The following SDK1 variants were observed in gnomAD, a reference collection of about 807,000 sequenced individuals.
SDK1 encodes protein sidekick-1.
A neutral mutation model predicts 245.5 loss-of-function variants in SDK1; 157 were observed. That is an observed-to-expected ratio of 0.64 (90% CI 0.56 to 0.73). The LOEUF is 0.73. Ranked by LOEUF, SDK1 falls within the 30% of genes least tolerant of loss-of-function variation. SDK1 has a pLI of 0.00. For missense variants in SDK1, 3,583 were observed against 3,002.3 expected (o/e 1.19, Z -4.52); for synonymous variants, 1,647 against 1,278.5 (o/e 1.29, Z -6.15).
At chr7:3,538,589 C>G (rs976339268) in intron 1 of SDK1, among the ~76,000 whole-genome samples, 1 of 152,172 alleles carries the variant, frequency 6.6e-6, no homozygotes. Context: ...CCAATGCTGT[C>G]CATATCTTGG....
At chr7:4,171,978 T>C (rs906626181) in intron 32 of SDK1, among the ~76,000 whole-genome samples, 1 of 152,160 alleles carries the variant, frequency 6.6e-6, no homozygotes, top group Non-Finnish European at 1.5e-5. Context: ...CTGGGTTTGC[T>C]CACTGGGGTC....
intron 41 of SDK1, among the ~76,000 whole-genome samples, chr7:4,234,456 G>A (rs762838337): frequency 2.0e-5 from 3 of 152,258 alleles, no homozygotes; most frequent in South Asian, 2.1e-4. Context: ...CTGTGACCTC[G>A]CCTGGGAATC....
intron 4 of SDK1, among the ~76,000 whole-genome samples, chr7:3,688,704 G>A (rs896894824): frequency 6.6e-6 from 1 of 152,196 alleles, no homozygotes; most frequent in African/African-American, 2.4e-5. Context: ...ATCTTCCAGT[G>A]TTTATCTTCT....
chr7:3,471,119 G>A (rs1033815140), intron 1 of SDK1, among the ~76,000 whole-genome samples: 3 of 152,110 alleles, frequency 2.0e-5, no homozygotes, highest in Non-Finnish European at 4.4e-5. Flanking sequence ...GTAACATTTT[G>A]ATGTCCTTCA....
intron 1 of SDK1, among the ~76,000 whole-genome samples, chr7:3,442,579 TCAC>T (rs1433943403): frequency 3.3e-5 from 5 of 152,236 alleles, no homozygotes; most frequent in Non-Finnish European, 7.3e-5. Context: ...TGAGTTCAAA[TCAC>T]CACTCTGCCC....
In SDK1 at chr7:3,799,621, C is replaced by T. The variant is rs566635176; in HGVS notation, c.714-21829C>T. ...TCGGGAGGCTGAGGCAGGAGAATGG[C>T]GTGAACCTGGGAGGCGGGGTTTGCA... On this transcript the variant is annotated intron_variant, in intron 4 of 44. Transcript: ENST00000404826. Among the ~76,000 whole-genome samples, 49 of 147,700 alleles carry T rather than the reference C, an allele frequency of 3.3e-4. 1 individual carries two copies. In the East Asian group the frequency reaches 8.7e-3, roughly 26 times the overall value.
chr7:4,162,512 GC>G (rs1313825104), intron 32 of SDK1, among the ~76,000 whole-genome samples: 2 of 151,724 alleles, frequency 1.3e-5, no homozygotes, highest in Non-Finnish European at 2.9e-5. Flanking sequence ...CGATTCTCCT[GC>G]CTCAGCCTCC....
chr7:3,792,590 T>C (rs949953389), intron 4 of SDK1, among the ~76,000 whole-genome samples: 2 of 148,388 alleles, frequency 1.3e-5, no homozygotes, highest in African/African-American at 2.5e-5. Context: ...TGCCTGAATA[T>C]TGCCTTCTCT....
chr7:4,001,984 C>A (rs1381107824), intron 14 of SDK1, among the ~76,000 whole-genome samples: 3 of 152,184 alleles, frequency 2.0e-5, no homozygotes, highest in South Asian at 2.1e-4. Flanking sequence ...CATCTGGGGG[C>A]CCTCGCAGTC....
intron 4 of SDK1, among the ~76,000 whole-genome samples, chr7:3,658,636 G>A (rs1180237075): frequency 1.7e-5 from 2 of 119,060 alleles, no homozygotes; most frequent in South Asian, 2.8e-4. Context: ...TTTTGAGACA[G>A]ACTCACAGTC....
intron 5 of SDK1, among the ~76,000 whole-genome samples, chr7:3,889,958 G>A (rs924195535): frequency 2.0e-5 from 3 of 152,144 alleles, no homozygotes; most frequent in Non-Finnish European, 4.4e-5. Flanking sequence ...TCACTTTTGT[G>A]TAAGTTAACC....
At chr7:3,600,263 C>G (rs1046771774) in intron 1 of SDK1, among the ~76,000 whole-genome samples, 17 of 152,060 alleles carry the variant, frequency 1.1e-4, no homozygotes, top group African/African-American at 4.1e-4. Context: ...GTGTGTTGAT[C>G]TTGTATCATG....
At chr7:3,865,545 G>T (rs1211428788) in intron 5 of SDK1, among the ~76,000 whole-genome samples, 1 of 152,202 alleles carries the variant, frequency 6.6e-6, no homozygotes, top group Non-Finnish European at 1.5e-5. Flanking sequence ...GTCTCGCTCT[G>T]TCGCCCAGGT....
intron 41 of SDK1, among the ~76,000 whole-genome samples, chr7:4,236,373 G>A (rs182789316): frequency 4.6e-5 from 7 of 152,360 alleles, no homozygotes; most frequent in African/African-American, 1.2e-4. Context: ...GAAGGAAGAA[G>A]AGCGTCCTTC....
rs185332339 is a variant in SDK1 at position 3,973,218 on chromosome 7, G to T, written c.1818-1151G>T. ...CAGATGCGATGCCCCGGCGTGAGCAGTCTATCCATCTCCCTCTTGTGGAAT... is the reference window on the plus strand; with the variant it reads ...CAGATGCGATGCCCCGGCGTGAGCATTCTATCCATCTCCCTCTTGTGGAAT... On this transcript the variant is annotated intron_variant, in intron 12 of 44. Coordinates refer to ENST00000404826, the MANE Select transcript of SDK1 (RefSeq NM_152744.4). Among the ~76,000 whole-genome samples, 20 of 152,294 alleles carry T rather than the reference G, an allele frequency of 1.3e-4. No homozygotes were observed. The East Asian group carries it at 3.9e-3, about 29-fold the overall frequency.
intron 4 of SDK1, among the ~76,000 whole-genome samples, chr7:3,686,852 G>C (rs1490216847): frequency 1.3e-5 from 2 of 152,168 alleles, no homozygotes; most frequent in South Asian, 4.1e-4. Context: ...AATAATTTCA[G>C]TAGGTTCCAG....
At chr7:4,004,062 G>A (rs1338011687) in intron 14 of SDK1, among the ~76,000 whole-genome samples, 1 of 152,224 alleles carries the variant, frequency 6.6e-6, no homozygotes, top group African/African-American at 2.4e-5. Context: ...TGGAAATGAA[G>A]ATCATTTTAT....
Position 4,139,467 on chromosome 7 carries a change from ATG to A in SDK1, c.4229-6247_4229-6246del, listed in dbSNP as rs374610626. On this transcript the variant is annotated intron_variant, in intron 28 of 44. Transcript: ENST00000404826. ...TGTATATGTGTGTGTATATGTATAT[ATG>A]TGTGTGTATATGTGTGTGTATATAT... 2.4e-3 allele frequency among the ~76,000 whole-genome samples: 287 copies of A among 119,832 alleles called. 40 individuals are homozygous for A. The highest frequency in any genetic ancestry group is 7.8e-3 in the African/African-American group (272 of 34,682). 78.6% of individuals were successfully genotyped at this position (119,832 alleles called of 152,430 possible).
intron 1 of SDK1, among the ~76,000 whole-genome samples, chr7:3,316,291 T>A (rs1045474436): frequency 3.9e-5 from 6 of 152,182 alleles, no homozygotes; most frequent in Non-Finnish European, 8.8e-5. Flanking sequence ...CTTGTCTCAG[T>A]TCAGATTTGT....
Sources: allele counts gnomAD v4.1 joint callset (sites outside exome capture counted in the v4.1 genomes callset), GRCh38; gene constraint gnomAD v4.1.1; transcripts MANE v1.5; gene names NCBI Gene and HGNC (gene_info 2026-07-23, HGNC 2026-07-21).